The following NME8 variants were observed in gnomAD, a reference collection of about 807,000 sequenced individuals.
NME8 encodes NME/NM23 family member 8.
Under a neutral mutation model 82.3 loss-of-function variants are expected in NME8, and 72 were observed. The observed-to-expected ratio is 0.87, with a 90% CI of 0.72 to 1.06. The LOEUF (loss-of-function observed/expected upper bound fraction) is 1.06. Among genes scored for constraint, NME8 ranks in the 50% least tolerant of loss-of-function variants. The pLI, the probability that NME8 is intolerant of heterozygous loss-of-function variation, is 0.00. For synonymous variants in NME8, 267 were observed against 228.5 expected (o/e 1.17, Z -1.52); for missense variants, 712 against 685.4 (o/e 1.04, Z -0.43).
chr7:37,850,494 AC>A, intron 4 of NME8, 59 bp downstream of exon 4: 1 of 1,589,074 alleles, frequency 6.3e-7, no homozygotes, highest in Admixed American at 1.7e-5. Flanking sequence ...TCCTCCTGGC[AC>A]CCTGTCCCTC....
chr7:37,885,690 C>T (rs527736291), intron 14 of NME8, among the ~76,000 whole-genome samples: 18 of 152,156 alleles, frequency 1.2e-4, no homozygotes, highest in Non-Finnish European at 1.5e-4. Flanking sequence ...ACTGATTAAT[C>T]TTAGAAGTCA....
chr7:37,883,027 C>G (rs1190372372), intron 12 of NME8, among the ~76,000 whole-genome samples: 1 of 152,144 alleles, frequency 6.6e-6, no homozygotes, highest in Non-Finnish European at 1.5e-5. Context: ...GTTTATAATT[C>G]CTTTGTGATC....
At chr7:37,885,511 G>A (rs1158057149) in intron 14 of NME8, among the ~76,000 whole-genome samples, 1 of 152,168 alleles carries the variant, frequency 6.6e-6, no homozygotes, top group Non-Finnish European at 1.5e-5. Flanking sequence ...TCAGTCAACA[G>A]GTCATCTCTT....
At chr7:37,877,861 C>A (rs1175977192) in intron 12 of NME8, among the ~76,000 whole-genome samples, 1 of 152,138 alleles carries the variant, frequency 6.6e-6, no homozygotes, top group African/African-American at 2.4e-5. Context: ...TGCCAAATGC[C>A]CTTTGTAGGG....
chr7:37,859,028 G>A (rs1323229239), intron 6 of NME8, among the ~76,000 whole-genome samples: 1 of 152,062 alleles, frequency 6.6e-6, no homozygotes, highest in Admixed American at 6.6e-5. Flanking sequence ...ATGAGAACAA[G>A]CTTCCTGAGG....
chr7:37,853,706 A>T (rs535960714), intron 5 of NME8, among the ~76,000 whole-genome samples: 30 of 152,128 alleles, frequency 2.0e-4, no homozygotes, highest in Non-Finnish European at 3.4e-4. Flanking sequence ...CCTCTGCCGG[A>T]CATATTGTTT....
chr7:37,895,623 C>A (rs146129179), intron 16 of NME8, among the ~76,000 whole-genome samples: 2 of 152,162 alleles, frequency 1.3e-5, no homozygotes, highest in Non-Finnish European at 2.9e-5. Flanking sequence ...TATTACACAT[C>A]AAAAATTTTC....
intron 17 of NME8, among the ~76,000 whole-genome samples, chr7:37,898,354 T>C (rs1351782152): frequency 1.3e-5 from 2 of 152,144 alleles, no homozygotes; most frequent in African/African-American, 2.4e-5. Flanking sequence ...ATTTAACCCA[T>C]CAGTTCTATT....
intron 15 of NME8, among the ~76,000 whole-genome samples, chr7:37,889,009 G>A (rs560274757): frequency 1.3e-5 from 2 of 152,010 alleles, no homozygotes; most frequent in East Asian, 3.9e-4. Flanking sequence ...AGTGTAAGCA[G>A]CACTGAGATT....
intron 15 of NME8, among the ~76,000 whole-genome samples, chr7:37,893,623 T>C (rs1361789988): frequency 6.6e-6 from 1 of 152,180 alleles, no homozygotes; most frequent in African/African-American, 2.4e-5. Flanking sequence ...AAGGTCAGTG[T>C]CTCTGTGAAG....
At chr7:37,885,331 C>A in intron 14 of NME8, 79 bp downstream of exon 14, 1 of 882,868 alleles carries the variant, frequency 1.1e-6, no homozygotes, top group Non-Finnish European at 1.9e-6. Context: ...AGTATTGGAA[C>A]CACAGCTCTA....
At chr7:37,893,221 G>C (rs2598006) in intron 15 of NME8, among the ~76,000 whole-genome samples, 119,967 of 152,012 alleles carry the variant, frequency 0.79, 47,678 homozygotes, top group East Asian at 0.93. Flanking sequence ...TTCCAAGGTG[G>C]CTCGTTTTAC....
chr7:37,876,803 A>G, intron 11 of NME8, 29 bp from the exon 12 acceptor site: 1 of 1,520,156 alleles, frequency 6.6e-7, no homozygotes, highest in Non-Finnish European at 9.1e-7. Context: ...GTTTATAATA[A>G]TCTTAAATTA....
chr7:37,864,566 T>G (rs993484356), intron 9 of NME8, 145 bp downstream of exon 9: 8 of 821,836 alleles, frequency 9.7e-6, no homozygotes, highest in Non-Finnish European at 1.5e-5. Flanking sequence ...TTTGAGTACT[T>G]TATGTCTTTA....
intron 17 of NME8, among the ~76,000 whole-genome samples, chr7:37,898,520 G>A (rs748064308): frequency 2.0e-5 from 3 of 152,178 alleles, no homozygotes; most frequent in South Asian, 2.1e-4. Flanking sequence ...AAGATACAAC[G>A]GAATATTATT....
At chr7:37,870,329 G>C (rs1320268627) in intron 11 of NME8, among the ~76,000 whole-genome samples, 2 of 151,974 alleles carry the variant, frequency 1.3e-5, no homozygotes, top group Admixed American at 1.3e-4. Context: ...GGTGGCTCAT[G>C]CTTGTAATCC....
chr7:37,887,208 CAATA>C (rs1157120638), intron 14 of NME8, among the ~76,000 whole-genome samples: 3 of 152,150 alleles, frequency 2.0e-5, no homozygotes, highest in Non-Finnish European at 4.4e-5. Flanking sequence ...GAAAGCATAA[CAATA>C]AACTGTCTAA....
chr7:37,894,423 A>G (rs1785184865), intron 15 of NME8, 43 bp from the exon 16 acceptor site: 2 of 1,593,404 alleles, frequency 1.3e-6, no homozygotes, highest in African/African-American at 1.3e-5. Context: ...ATGGAGGAAA[A>G]GTGAAGCAAT....
intron 6 of NME8, among the ~76,000 whole-genome samples, chr7:37,861,451 C>A (rs1465137037): frequency 6.6e-6 from 1 of 152,194 alleles, no homozygotes; most frequent in Admixed American, 6.5e-5. Context: ...TTGACCAAAA[C>A]CCATTCTTAT....
Sources: allele counts gnomAD v4.1 joint callset (sites outside exome capture counted in the v4.1 genomes callset), GRCh38; gene constraint gnomAD v4.1.1; transcripts MANE v1.5; gene names NCBI Gene and HGNC (gene_info 2026-07-23, HGNC 2026-07-21).